PCDH7: variants seen among roughly 807,000 people sequenced by gnomAD.
PCDH7 encodes protocadherin-7.
Under a neutral mutation model 58.9 loss-of-function variants are expected in PCDH7, and 17 were observed. That is an observed-to-expected ratio of 0.29 (90% CI 0.20 to 0.43). The LOEUF (loss-of-function observed/expected upper bound fraction) is 0.43, where lower values mean the gene tolerates loss of function less well. Ranked by LOEUF, PCDH7 falls within the 20% of genes least tolerant of loss-of-function variation. The pLI is 1.00. For synonymous variants in PCDH7, 664 were observed against 616.4 expected (o/e 1.08, Z -1.14); for missense variants, 1,274 against 1,441.0 (o/e 0.88, Z 1.88).
At chr4:30,885,269 G>T (rs1042155393) in intron 1 of PCDH7, 1 of 152,130 alleles carries the variant, frequency 6.6e-6, no homozygotes, top group African/African-American at 2.4e-5. Flanking sequence ...CACAGACTCT[G>T]CAGCCACGTT....
At chr4:30,892,568 C>A (rs1413950734) in intron 1 of PCDH7, among the ~76,000 whole-genome samples, 2 of 151,926 alleles carry the variant, frequency 1.3e-5, no homozygotes. Flanking sequence ...TAAAGTGGAG[C>A]CTTTTTCATG....
At chr4:30,768,279 A>ATCCAACTAGTATGCATACATCT (rs1720993187) in intron 1 of PCDH7, among the ~76,000 whole-genome samples, 1 of 144,066 alleles carries the variant, frequency 6.9e-6, no homozygotes, top group Admixed American at 7.0e-5. Flanking sequence ...ATATTGGCTA[A>ATCCAACTAGTATGCATACATCT]TCCAAGTAGT....
rs184230556 is a variant in PCDH7, at chr4:31,012,667, A to C, written c.*7+62452A>C. ...TATTTCTACTAAAATAGTAAAAATA[A>C]GAAATTATCTTACTAGAAAACAGAG... is the stretch of plus-strand genomic sequence containing the variant. On this transcript the variant is annotated intron_variant, in intron 3 of 3. Coordinates refer to the PCDH7 transcript ENST00000509759. 6.0e-5 allele frequency among the ~76,000 whole-genome samples: 9 copies of C among 150,790 alleles called. 2 individuals are homozygous for C. The East Asian group carries it at 2.0e-3, about 33-fold the overall frequency.
At chr4:30,889,227 C>T (rs555387993) in intron 1 of PCDH7, among the ~76,000 whole-genome samples, 6 of 150,244 alleles carry the variant, frequency 4.0e-5, no homozygotes, top group South Asian at 4.2e-4. Context: ...AATTAGAAAG[C>T]GGAAACACTT....
intron 1 of PCDH7, among the ~76,000 whole-genome samples, chr4:30,769,529 T>C (rs1005206983): frequency 1.3e-5 from 2 of 152,172 alleles, no homozygotes; most frequent in African/African-American, 4.8e-5. Context: ...TTCCTTTTAA[T>C]TGTGCTTGTA....
intron 1 of PCDH7, among the ~76,000 whole-genome samples, chr4:30,779,009 T>TTG (rs1296855355): frequency 1.4e-5 from 2 of 140,366 alleles, no homozygotes; most frequent in African/African-American, 2.8e-5. Context: ...CTCCGTTTTT[T>TTG]TTTTTTTTTT....
At chr4:30,937,935 C>A (rs1333162692) in intron 2 of PCDH7, among the ~76,000 whole-genome samples, 1 of 150,464 alleles carries the variant, frequency 6.6e-6, no homozygotes, top group Non-Finnish European at 1.5e-5. Context: ...TAATAATTGA[C>A]CTCGTCATTA....
At chr4:30,992,964 A>C (rs1751583246) in intron 3 of PCDH7, among the ~76,000 whole-genome samples, 1 of 151,774 alleles carries the variant, frequency 6.6e-6, no homozygotes, top group African/African-American at 2.4e-5. Flanking sequence ...ATGCCTGGCT[A>C]ATTTTTGTAT....
At chr4:30,892,868 A>G (rs965748839) in intron 1 of PCDH7, among the ~76,000 whole-genome samples, 22 of 152,200 alleles carry the variant, frequency 1.4e-4, no homozygotes, top group Admixed American at 1.4e-3. Flanking sequence ...GATACTCAAC[A>G]GTTGTCAGTT....
chr4:31,121,177 A>T (rs1717650117), intron 3 of PCDH7, among the ~76,000 whole-genome samples: 1 of 152,284 alleles, frequency 6.6e-6, no homozygotes, highest in African/African-American at 2.4e-5. Flanking sequence ...CATTGTCTTC[A>T]TTTTTACATC....
intron 1 of PCDH7, among the ~76,000 whole-genome samples, chr4:30,916,278 A>G (rs1742461453): frequency 6.6e-6 from 1 of 152,158 alleles, no homozygotes; most frequent in Non-Finnish European, 1.5e-5. Context: ...TTCTAGCATA[A>G]TCTTCTGCCT....
At chr4:30,858,022 A>G (rs1733709641) in intron 1 of PCDH7, among the ~76,000 whole-genome samples, 1 of 152,204 alleles carries the variant, frequency 6.6e-6, no homozygotes, top group Non-Finnish European at 1.5e-5. Context: ...CCAACCACTT[A>G]AACTCATAGT....
chr4:31,023,759 G>T (rs180702257), intron 3 of PCDH7, among the ~76,000 whole-genome samples: 4 of 152,172 alleles, frequency 2.6e-5, no homozygotes, highest in African/African-American at 9.6e-5. Flanking sequence ...GTACATAAAA[G>T]CTAGGCTACA....
intron 2 of PCDH7, among the ~76,000 whole-genome samples, chr4:30,940,914 A>G (rs373305357): frequency 3.0e-4 from 45 of 152,068 alleles, no homozygotes; most frequent in Admixed American, 6.6e-4. Context: ...TTGAAATAAA[A>G]CATTGAGAAT....
At chr4:30,968,417 G>GATATATATATAT (rs1560541749) in intron 3 of PCDH7, among the ~76,000 whole-genome samples, 19 of 20,922 alleles carry the variant, frequency 9.1e-4, no homozygotes, top group African/African-American at 1.4e-3. Context: ...TATATATATG[G>GATATATATATAT]GATATTATGT....
intron 3 of PCDH7, among the ~76,000 whole-genome samples, chr4:31,059,414 T>TA (rs751881859): frequency 1.3e-5 from 2 of 151,930 alleles, no homozygotes; most frequent in African/African-American, 4.8e-5. Context: ...CCAGGCCTCT[T>TA]CAACACTCAT....
At chr4:31,088,363 A>T (rs1026846628) in intron 3 of PCDH7, among the ~76,000 whole-genome samples, 1 of 152,100 alleles carries the variant, frequency 6.6e-6, no homozygotes, top group Non-Finnish European at 1.5e-5. Flanking sequence ...ACAGATTACA[A>T]GCTACGTGAA....
At chr4:31,075,540 A>T (rs1408308593) in intron 3 of PCDH7, among the ~76,000 whole-genome samples, 3 of 152,198 alleles carry the variant, frequency 2.0e-5, no homozygotes, top group Non-Finnish European at 2.9e-5. Flanking sequence ...TATACTTGTT[A>T]AAAGATGCAC....
intron 1 of PCDH7, among the ~76,000 whole-genome samples, chr4:30,768,307 G>A (rs1720998320): frequency 6.6e-6 from 1 of 152,168 alleles, no homozygotes; most frequent in Non-Finnish European, 1.5e-5. Context: ...CATCTTCCAA[G>A]TAGTATGCAT....
Sources: allele counts gnomAD v4.1 joint callset (sites outside exome capture counted in the v4.1 genomes callset), GRCh38; gene constraint gnomAD v4.1.1; transcripts MANE v1.5; gene names NCBI Gene and HGNC (gene_info 2026-07-23, HGNC 2026-07-21).